BICD1: variants seen among roughly 807,000 people sequenced by gnomAD.
BICD1 encodes the protein protein bicaudal D homolog 1.
In BICD1, 35 loss-of-function variants were observed where a neutral mutation model predicts 92.5. The observed-to-expected ratio is 0.38, with a 90% CI of 0.29 to 0.50. The LOEUF (loss-of-function observed/expected upper bound fraction) is 0.50, where lower values mean the gene tolerates loss of function less well. BICD1 is among the 20% of genes least tolerant of loss of function. BICD1 has a pLI of 0.93. For synonymous variants in BICD1, 429 were observed against 465.1 expected (o/e 0.92, Z 1.00); for missense variants, 950 against 1,189.8 (o/e 0.80, Z 2.97).
At chr12:32,276,102 T>C (rs774945940) in intron 2 of BICD1, among the ~76,000 whole-genome samples, 1 of 152,098 alleles carries the variant, frequency 6.6e-6, no homozygotes, top group African/African-American at 2.4e-5. Flanking sequence ...TCTTCCAGAA[T>C]TGAAACTGTA....
intron 2 of BICD1, among the ~76,000 whole-genome samples, chr12:32,233,022 T>C (rs968752526): frequency 6.6e-6 from 1 of 152,162 alleles, no homozygotes; most frequent in African/African-American, 2.4e-5. Flanking sequence ...AATGTAGAAA[T>C]GGCAACTCTG....
chr12:32,216,353 G>GGAA lies in BICD1; in HGVS notation c.323_325dup (p.Lys108dup). The GGAA allele has an allele frequency of 1.2e-6, 2 of 1,614,148 alleles. No individual in the cohort carries two copies. The highest frequency in any genetic ancestry group is 1.7e-6 in the Non-Finnish European group (2 of 1,180,030). On this transcript the variant is annotated inframe_insertion, in exon 2 of 10. Coordinates refer to ENST00000652176, the MANE Select transcript of BICD1 (RefSeq NM_001714.4). ...GCATCGAAGGAGGCTTACTATCTGGGGAAGATCTTGGAGATGCAGAACGAG... is the reference window on the plus strand; with the variant it reads ...GCATCGAAGGAGGCTTACTATCTGGGGAAGAAGATCTTGGAGATGCAGAACGAG...
In BICD1 at chr12:32,339,622, A is replaced by T. The variant is rs1187641770; in HGVS notation, c.2764+643A>T. On this transcript the variant is annotated intron_variant, in intron 8 of 9. Transcript: ENST00000652176. Reference sequence around the variant, plus strand: ...TTTCATTCTTTTTACTTGTTCTATGAAGAGGCCTAACTTGAAAATGTGACA... The same window carrying T: ...TTTCATTCTTTTTACTTGTTCTATGTAGAGGCCTAACTTGAAAATGTGACA... The T allele has an allele frequency of 1.1e-5, 11 of 985,108 alleles. No homozygotes were observed. In the African/African-American group the frequency reaches 1.8e-4, roughly 16 times the overall value. The allele number at this position is 985,108 out of a possible 1,614,324, so 61.0% of individuals were successfully genotyped here.
In BICD1 at chr12:32,278,928, T is replaced by G. The variant is rs555115338; in HGVS notation, c.427-15066T>G. Among the ~76,000 whole-genome samples, 198 of 152,288 alleles carry G rather than the reference T, an allele frequency of 1.3e-3. 2 individuals are homozygous for G. The highest frequency in any genetic ancestry group is 2.0e-3 in the Non-Finnish European group (133 of 68,024). On this transcript the variant is annotated intron_variant, in intron 2 of 9. Transcript: ENST00000652176. ...CCATTGAGTGAACTTTAAATGATCATGCTACTTTGTGAAATAGAATATCAC... is the reference window on the plus strand; with the variant it reads ...CCATTGAGTGAACTTTAAATGATCAGGCTACTTTGTGAAATAGAATATCAC...
At position 32,116,488 on chromosome 12, in the gene BICD1, CTCTTTCTCTCTCTCTCTCTCTCTA is replaced by C. The variant is rs1215601743; in HGVS notation, c.213+8946_213+8969del. 5.3e-3 allele frequency among the ~76,000 whole-genome samples: 673 copies of C among 125,908 alleles called. 5 individuals carry two copies. Among genetic ancestry groups the C allele is most frequent in the African/African-American group, 0.018 (590 of 32,196 alleles). The allele number at this position is 125,908 out of a possible 152,430, so 82.6% of individuals were successfully genotyped here. ...TCTCTCTCTCTCTCTCTCTCTCTCT[CTCTTTCTCTCTCTCTCTCTCTCTA>C]TATATATATATATATATGTAATTTT... On this transcript the variant is annotated intron_variant, in intron 1 of 9. Transcript: ENST00000652176.
intron 1 of BICD1, among the ~76,000 whole-genome samples, chr12:32,198,353 T>TA (rs71068306): frequency 1.9e-4 from 26 of 139,142 alleles, no homozygotes; most frequent in African/African-American, 2.3e-4. Flanking sequence ...TATATATATA[T>TA]TCCAAAAATA....
intron 2 of BICD1, chr12:32,228,094 G>A (rs1392278957): frequency 1.4e-5 from 3 of 221,514 alleles, no homozygotes; most frequent in Non-Finnish European, 2.9e-5. Flanking sequence ...TAGGACATTA[G>A]GATGTTCTTG....
At chr12:32,326,048 A>T (rs1160272083) in intron 4 of BICD1, among the ~76,000 whole-genome samples, 3 of 103,544 alleles carry the variant, frequency 2.9e-5, no homozygotes, top group Non-Finnish European at 5.6e-5. Context: ...GCGCCACTGC[A>T]CTCCAGCCTG....
At chr12:32,179,041 A>G (rs891271846) in intron 1 of BICD1, among the ~76,000 whole-genome samples, 3 of 151,988 alleles carry the variant, frequency 2.0e-5, no homozygotes, top group African/African-American at 7.2e-5. Context: ...TCCACATACG[A>G]TAGGACAGGT....
At chr12:32,116,684 A>AT (rs60228795) in intron 1 of BICD1, among the ~76,000 whole-genome samples, 58 of 147,098 alleles carry the variant, frequency 3.9e-4, no homozygotes, top group East Asian at 1.2e-3. Flanking sequence ...TATGCTGGCT[A>AT]TTTTTTTTTT....
At position 32,116,506 on chromosome 12, in the gene BICD1, C is replaced by CTATA. The variant is rs1269090621; in HGVS notation, c.213+8963_213+8964insATAT. On this transcript the variant is annotated intron_variant, in intron 1 of 9. Coordinates refer to ENST00000652176, the MANE Select transcript of BICD1 (RefSeq NM_001714.4). Reference sequence around the variant, plus strand: ...TCTCTCTCTCTTTCTCTCTCTCTCTCTCTCTATATATATATATATATATGT... The same window carrying CTATA: ...TCTCTCTCTCTTTCTCTCTCTCTCTCTATATCTCTATATATATATATATATATGT... Among the ~76,000 whole-genome samples the CTATA allele has an allele frequency of 2.7e-3, 238 of 86,788 alleles. 2 individuals carry two copies. The highest frequency in any genetic ancestry group is 7.3e-3 in the South Asian group (20 of 2,722). 56.9% of individuals were successfully genotyped at this position (86,788 alleles called of 152,430 possible).
intron 4 of BICD1, among the ~76,000 whole-genome samples, chr12:32,326,923 T>C (rs1287622892): frequency 6.6e-6 from 1 of 152,176 alleles, no homozygotes. Context: ...CGTGTTTATT[T>C]TGGGGACTAA....
chr12:32,255,179 A>C (rs1233275715), intron 2 of BICD1, among the ~76,000 whole-genome samples: 1 of 152,116 alleles, frequency 6.6e-6, no homozygotes, highest in Non-Finnish European at 1.5e-5. Context: ...GGAGAGAAAG[A>C]GACAACAAGA....
At chr12:32,219,322 T>G (rs773507914) in intron 2 of BICD1, among the ~76,000 whole-genome samples, 14 of 152,184 alleles carry the variant, frequency 9.2e-5, no homozygotes, top group Non-Finnish European at 1.8e-4. Context: ...TGTGTGTGAT[T>G]ACAATGTCAA....
intron 1 of BICD1, among the ~76,000 whole-genome samples, chr12:32,139,520 CA>C (rs1442501990): frequency 6.6e-6 from 1 of 152,296 alleles, no homozygotes; most frequent in African/African-American, 2.4e-5. Flanking sequence ...CTTTCAAATT[CA>C]GATTACTTTT....
chr12:32,233,880 C>A (rs546903617), intron 2 of BICD1, among the ~76,000 whole-genome samples: 23 of 152,282 alleles, frequency 1.5e-4, no homozygotes, highest in African/African-American at 5.3e-4. Context: ...AGATTCTGTT[C>A]AGGCATTTAA....
At chr12:32,138,914 A>G (rs924819822) in intron 1 of BICD1, among the ~76,000 whole-genome samples, 1 of 152,196 alleles carries the variant, frequency 6.6e-6, no homozygotes, top group Admixed American at 6.5e-5. Context: ...TAAGTTCTAA[A>G]TTGCTTCAGT....
intron 4 of BICD1, among the ~76,000 whole-genome samples, chr12:32,318,744 C>T (rs574391809): frequency 1.3e-5 from 2 of 152,244 alleles, no homozygotes; most frequent in South Asian, 4.1e-4. Context: ...ATCCCAGCTA[C>T]TTGGGAGGCT....
At chr12:32,116,295 C>T (rs533776352) in intron 1 of BICD1, among the ~76,000 whole-genome samples, 1 of 152,160 alleles carries the variant, frequency 6.6e-6, no homozygotes, top group Non-Finnish European at 1.5e-5. Context: ...ATAGTTTTGC[C>T]TAGTTGCAGT....
Sources: gnomAD v4.1 joint callset for allele counts (sites outside exome capture counted in the v4.1 genomes callset) on GRCh38, gnomAD v4.1.1 for gene constraint, MANE v1.5 for transcripts, NCBI Gene and HGNC (gene_info 2026-07-23, HGNC 2026-07-21) for gene names.